Variants in DLG5 observed in about 807,000 individuals in gnomAD.
DLG5 encodes disks large homolog 5.
In DLG5, 48 loss-of-function variants were observed where a neutral mutation model predicts 189.8. The observed-to-expected ratio is 0.25, with a 90% confidence interval of 0.20 to 0.32. The LOEUF is 0.32. DLG5 is among the 10% of genes least tolerant of loss of function. The probability of loss-of-function intolerance (pLI) is 1.00; values close to 1 mark genes in which losing one functional copy is unlikely to be tolerated. For missense variants in DLG5, 2,160 were observed against 2,544.7 expected, an observed-to-expected ratio of 0.85 and a Z score of 3.25; for synonymous variants, 1,016 against 1,054.1, an observed-to-expected ratio of 0.96 and a Z score of 0.70.
chr10:77,908,165 A>G (rs1201296020), intron 1 of DLG5, among the ~76,000 whole-genome samples: 1 of 152,154 alleles, frequency 6.6e-6, no homozygotes, highest in Non-Finnish European at 1.5e-5. Context: ...CAGCCACAAC[A>G]CAGGAACATG....
At chr10:77,918,902 G>C (rs1846450809) in intron 1 of DLG5, among the ~76,000 whole-genome samples, 1 of 151,976 alleles carries the variant, frequency 6.6e-6, no homozygotes, top group African/African-American at 2.4e-5. Context: ...CAGGTGGTTG[G>C]AATGAGGTGG....
Position 77,850,169 on chromosome 10 carries a change from A to G in DLG5, c.864+3185T>C, listed in dbSNP as rs367887125. Among the ~76,000 whole-genome samples, 21 of 152,322 alleles carry G rather than the reference A, an allele frequency of 1.4e-4. 3 individuals carry two copies. The highest frequency in any genetic ancestry group is 7.7e-4 in the East Asian group (4 of 5,180). ...CACTATCTAATTCCAGAACATTTTT[A>G]TCACCCCAAAAAGAAACCAATACCC... On this transcript the variant is annotated intron_variant, in intron 5 of 31. Transcript: ENST00000372391.
chr10:77,795,346 G>T (rs1380894946), intron 29 of DLG5, among the ~76,000 whole-genome samples: 1 of 152,170 alleles, frequency 6.6e-6, no homozygotes, highest in Non-Finnish European at 1.5e-5. Flanking sequence ...ACTGAAATAT[G>T]TCTGTCATGT....
chr10:77,817,419 G>A (rs901691363), intron 18 of DLG5, among the ~76,000 whole-genome samples: 2 of 152,176 alleles, frequency 1.3e-5, no homozygotes, highest in African/African-American at 4.8e-5. Flanking sequence ...GGCTACCTTT[G>A]TCCGACTCTC....
At chr10:77,840,116 G>T (rs186390061) in intron 7 of DLG5, among the ~76,000 whole-genome samples, 1 of 152,214 alleles carries the variant, frequency 6.6e-6, no homozygotes, top group Non-Finnish European at 1.5e-5. Flanking sequence ...AGGGGCTCAC[G>T]CCTGTAATCC....
At position 77,809,558 on chromosome 10, in the gene DLG5, G is replaced by T. The variant is rs1841652722; in HGVS notation, c.4636C>A (p.Leu1546Ile). The T allele has an allele frequency of 6.2e-7, 1 of 1,612,914 alleles. No individual in the cohort carries two copies. The highest frequency in any genetic ancestry group is 1.1e-5 in the South Asian group (1 of 90,846). The change falls in exon 24 of 32, where the codon CTC becomes ATC. Residue 1546 changes from leucine to isoleucine, a missense_variant. Leu to Ile is a conservative substitution (Grantham distance 5). Coordinates refer to ENST00000372391, the MANE Select transcript of DLG5 (RefSeq NM_004747.4). The part of the protein sequence containing the change: ...KGPDGLVPGD[L>I]ILEYGSLDVR... ...AGCTCAGAACTCACCTCCAGGATGA[G>T]GTCCCCTGGCACGAGGCCGTCAGGA...
At chr10:77,806,431 G>A (rs867789597) in intron 26 of DLG5, among the ~76,000 whole-genome samples, 15 of 152,256 alleles carry the variant, frequency 9.9e-5, no homozygotes, top group South Asian at 4.1e-4. Flanking sequence ...CTGTAGTGGC[G>A]GCTGCACACA....
At chr10:77,937,714 A>G in the DLG5 span, among the ~76,000 whole-genome samples, 1 of 102,756 alleles carries the variant, frequency 9.7e-6, no homozygotes, top group East Asian at 3.7e-4. Flanking sequence ...CACATTTTAT[A>G]CTTTTTTTTT....
At chr10:77,839,874 G>A (rs1843333486) in intron 7 of DLG5, among the ~76,000 whole-genome samples, 1 of 152,248 alleles carries the variant, frequency 6.6e-6, no homozygotes, top group South Asian at 2.1e-4. Context: ...GTGGTTCCTT[G>A]TATGAAATTC....
chr10:77,834,825 T>TC (rs1843047575), intron 8 of DLG5, among the ~76,000 whole-genome samples: 1 of 151,994 alleles, frequency 6.6e-6, no homozygotes, highest in African/African-American at 2.4e-5. Context: ...TGGGCCTCCC[T>TC]CCCCTTGCAC....
chr10:77,866,937 C>G (rs1158818008), intron 2 of DLG5: 2 of 456,148 alleles, frequency 4.4e-6, no homozygotes, highest in South Asian at 3.1e-5. Context: ...GAGGCTTTGC[C>G]CAGAAGGGAT....
intron 1 of DLG5, among the ~76,000 whole-genome samples, chr10:77,887,089 G>A (rs1018372857): frequency 6.6e-6 from 1 of 152,114 alleles, no homozygotes; most frequent in African/African-American, 2.4e-5. Context: ...CTCTGTGCAG[G>A]CCCTTCCAAT....
chr10:77,878,561 G>A (rs1241513459), intron 1 of DLG5, among the ~76,000 whole-genome samples: 1 of 152,144 alleles, frequency 6.6e-6, no homozygotes, highest in Non-Finnish European at 1.5e-5. Context: ...CTGGTTAGAA[G>A]CTCTGCATTG....
At chr10:77,846,828 G>C in intron 5 of DLG5, 1 of 419,842 alleles carries the variant, frequency 2.4e-6, no homozygotes, top group East Asian at 7.6e-5. Context: ...TCCCCACAAG[G>C]TGGCAGCCGC....
intron 5 of DLG5, among the ~76,000 whole-genome samples, chr10:77,845,917 C>T (rs1843664833): frequency 7.5e-6 from 1 of 132,566 alleles, no homozygotes; most frequent in Non-Finnish European, 1.6e-5. Flanking sequence ...GCCCACTCTA[C>T]ATCTAAAATC....
rs55688664 is a variant in DLG5 at position 77,891,573 on chromosome 10, GACACACACAC to G, written c.305-22386_305-22377del. 2.7e-3 allele frequency among the ~76,000 whole-genome samples: 379 copies of G among 140,570 alleles called. 2 individuals carry two copies. The highest frequency in any genetic ancestry group is 8.2e-3 in the African/African-American group (309 of 37,822). 92.2% of individuals were successfully genotyped at this position (140,570 alleles called of 152,430 possible). A position where few individuals can be genotyped will look rare whatever the true frequency, so the allele number is the denominator to read the frequency against. On this transcript the variant is annotated intron_variant, in intron 1 of 31. Transcript: ENST00000372391. The stretch of plus-strand genomic sequence containing the variant: ...GTGAGCTCACCTCTGTCCCCCAACA[GACACACACAC>G]ACACACACACACACACACACACACA...
At chr10:77,940,493 G>C in the DLG5 span, among the ~76,000 whole-genome samples, 1 of 152,284 alleles carries the variant, frequency 6.6e-6, no homozygotes, top group East Asian at 1.9e-4. Flanking sequence ...AAAATGCCTT[G>C]AATTGCAGGG....
chr10:77,809,449 G>C (rs1841645862), intron 24 of DLG5, 98 bp downstream of exon 24: 10 of 1,340,430 alleles, frequency 7.5e-6, no homozygotes, highest in Non-Finnish European at 1.0e-5. Flanking sequence ...CACCAGATGA[G>C]AGGCTGTACT....
intron 1 of DLG5, among the ~76,000 whole-genome samples, chr10:77,890,366 A>G (rs562216106): frequency 2.1e-4 from 32 of 152,232 alleles, no homozygotes; most frequent in African/African-American, 7.5e-4. Context: ...CGATGTGGCC[A>G]CACCTCTCAT....
Sources: allele counts gnomAD v4.1 joint callset (sites outside exome capture counted in the v4.1 genomes callset), GRCh38; gene constraint gnomAD v4.1.1; transcripts MANE v1.5; gene names NCBI Gene and HGNC (gene_info 2026-07-23, HGNC 2026-07-21).